Variants in IL20RB observed in about 807,000 individuals in gnomAD.
The protein encoded by IL20RB is interleukin-20 receptor subunit beta.
Under a neutral mutation model 33.3 loss-of-function variants are expected in IL20RB, and 21 were observed. The ratio of observed to expected loss-of-function variants is 0.63; its 90% CI spans 0.45 to 0.91. IL20RB has a LOEUF of 0.91. Among genes scored for constraint, IL20RB ranks in the 40% least tolerant of loss-of-function variants. IL20RB has a pLI of 0.00. For missense variants in IL20RB, 345 were observed against 384.8 expected (o/e 0.90, Z 0.86); for synonymous variants, 147 against 146.8 (o/e 1.00, Z -0.01).
At chr3:137,009,467 G>A (rs2107728276) in intron 6 of IL20RB, among the ~76,000 whole-genome samples, 1 of 152,280 alleles carries the variant, frequency 6.6e-6, no homozygotes, top group East Asian at 1.9e-4. Context: ...ACCATGCTAG[G>A]TGCTGTTCAT....
intron 3 of IL20RB, 110 bp downstream of exon 3, chr3:136,982,460 C>G: frequency 1.3e-6 from 1 of 763,880 alleles, no homozygotes; most frequent in Non-Finnish European, 2.0e-6. Flanking sequence ...CCTGCAAAGC[C>G]AGAGTATTGT....
At chr3:136,962,342 C>A (rs1375180172) in intron 1 of IL20RB, among the ~76,000 whole-genome samples, 1 of 152,190 alleles carries the variant, frequency 6.6e-6, no homozygotes, top group Non-Finnish European at 1.5e-5. Context: ...GTATTGATAT[C>A]ATGTACTCCC....
chr3:136,962,028 T>C (rs1941231635), intron 1 of IL20RB, among the ~76,000 whole-genome samples: 1 of 152,150 alleles, frequency 6.6e-6, no homozygotes, highest in Non-Finnish European at 1.5e-5. Flanking sequence ...CATGAGTCCA[T>C]ACCACTAAAA....
At chr3:136,966,413 G>T (rs1941352663) in intron 1 of IL20RB, among the ~76,000 whole-genome samples, 1 of 80,834 alleles carries the variant, frequency 1.2e-5, no homozygotes, top group Non-Finnish European at 2.4e-5. Context: ...CTTCTTCCTG[G>T]TTTAGTCTTG....
In IL20RB at chr3:137,010,277, C is replaced by A; in HGVS notation, c.*54C>A. The A allele has an allele frequency of 3.6e-6, 3 of 827,832 alleles. No homozygotes were observed. Among genetic ancestry groups the A allele is most frequent in the Non-Finnish European group, 6.4e-6 (3 of 470,730 alleles). 51.3% of individuals were successfully genotyped at this position (827,832 alleles called of 1,614,324 possible). On this transcript the variant is annotated 3_prime_UTR_variant, in exon 7 of 7. Coordinates refer to ENST00000329582, the MANE Select transcript of IL20RB (RefSeq NM_144717.4). ...GAACCTGGTCTGCATGACATGGAAA[C>A]CATGAGGGGACAAGTTGTGTTTCTG...
chr3:136,974,617 A>G (rs10935213), intron 1 of IL20RB, among the ~76,000 whole-genome samples: 70,369 of 151,968 alleles, frequency 0.46, 16,805 homozygotes, highest in East Asian at 0.7. Flanking sequence ...TTTACATTGT[A>G]TCTCTCTGGA....
intron 1 of IL20RB, among the ~76,000 whole-genome samples, chr3:136,972,966 A>G (rs73231985): frequency 0.12 from 17,887 of 152,006 alleles, 1,120 homozygotes; most frequent in East Asian, 0.2. Context: ...CTTTTGATAT[A>G]TCCCACAGAT....
chr3:136,972,861 C>T (rs1941522744), intron 1 of IL20RB, among the ~76,000 whole-genome samples: 1 of 151,160 alleles, frequency 6.6e-6, no homozygotes, highest in Non-Finnish European at 1.5e-5. Context: ...CTTGCTTTTC[C>T]AGTTCCTTGA....
chr3:136,958,608 T>G (rs6762460), intron 1 of IL20RB, among the ~76,000 whole-genome samples: 1,779 of 152,248 alleles, frequency 0.012, 26 homozygotes, highest in African/African-American at 0.041. Context: ...AAAAGACAAT[T>G]TGTGAGCTTA....
chr3:137,009,040 C>T (rs1309166152), intron 6 of IL20RB, among the ~76,000 whole-genome samples: 5 of 152,174 alleles, frequency 3.3e-5, no homozygotes, highest in South Asian at 2.1e-4. Context: ...CTAACACCCC[C>T]GCTTAGTGAA....
At chr3:136,982,774 A>G (rs1228848101) in intron 3 of IL20RB, among the ~76,000 whole-genome samples, 1 of 152,186 alleles carries the variant, frequency 6.6e-6, no homozygotes, top group Non-Finnish European at 1.5e-5. Context: ...GGATTTATAC[A>G]CTTAACAGAG....
chr3:137,001,290 C>T (rs1441876534), intron 6 of IL20RB, among the ~76,000 whole-genome samples: 1 of 152,152 alleles, frequency 6.6e-6, no homozygotes, highest in African/African-American at 2.4e-5. Context: ...CATTCCCTTC[C>T]GTAAGGCTTT....
In IL20RB at chr3:136,989,575, C is replaced by T; in HGVS notation, c.531+10C>T. Reference sequence around the variant, plus strand: ...GGAGCCTGGTGCCGAGGTGAGACTCCAGCCTTGGCCTTTGGGTCAGGCTTC... The same window carrying T: ...GGAGCCTGGTGCCGAGGTGAGACTCTAGCCTTGGCCTTTGGGTCAGGCTTC... On this transcript the variant is annotated intron_variant, in intron 4 of 6. Transcript: ENST00000329582. The T allele has an allele frequency of 6.2e-7, 1 of 1,613,486 alleles. No homozygotes were observed.
At chr3:136,982,416 A>C (rs1941799534) in intron 3 of IL20RB, 66 bp downstream of exon 3, 16 of 1,203,158 alleles carry the variant, frequency 1.3e-5, no homozygotes, top group Non-Finnish European at 1.8e-5. Flanking sequence ...ATGTTCACCT[A>C]AACTTTCTAG....
At chr3:136,976,755 A>C (rs1941628603) in intron 1 of IL20RB, among the ~76,000 whole-genome samples, 1 of 152,188 alleles carries the variant, frequency 6.6e-6, no homozygotes, top group Non-Finnish European at 1.5e-5. Context: ...TAGCATGTGC[A>C]TCTGCCAAAG....
At chr3:136,989,722 C>T (rs1284248580) in intron 4 of IL20RB, among the ~76,000 whole-genome samples, 157 bp downstream of exon 4, 1 of 152,228 alleles carries the variant, frequency 6.6e-6, no homozygotes, top group East Asian at 1.9e-4. Context: ...ACCACCCCAT[C>T]AGCCTCTTCT....
chr3:136,992,130 T>C, intron 5 of IL20RB, 42 bp downstream of exon 5: 2 of 1,600,258 alleles, frequency 1.2e-6, no homozygotes, highest in Non-Finnish European at 1.7e-6. Context: ...GCACAGGTGA[T>C]AGCCCCTCCT....
chr3:136,991,795 A>G (rs1007863738), intron 4 of IL20RB, 143 bp from the exon 5 acceptor site: 9 of 658,136 alleles, frequency 1.4e-5, no homozygotes, highest in Middle Eastern at 4.0e-4. Flanking sequence ...TGTAGTAGAG[A>G]TGGGGTGTTT....
chr3:136,959,006 C>T (rs983702451), intron 1 of IL20RB: 1 of 151,692 alleles, frequency 6.6e-6, no homozygotes, highest in African/African-American at 2.4e-5. Context: ...AGTTAGTTTA[C>T]ATCAGGTAAC....
Sources: gnomAD v4.1 joint callset for allele counts (sites outside exome capture counted in the v4.1 genomes callset) on GRCh38, gnomAD v4.1.1 for gene constraint, MANE v1.5 for transcripts, NCBI Gene and HGNC (gene_info 2026-07-23, HGNC 2026-07-21) for gene names.